MTMR6: variants seen among roughly 807,000 people sequenced by gnomAD.
MTMR6 encodes the protein myotubularin related protein 6.
In MTMR6, 47 loss-of-function variants were observed where a neutral mutation model predicts 80.1. That is an observed-to-expected ratio of 0.59 (90% CI 0.46 to 0.75). The LOEUF (loss-of-function observed/expected upper bound fraction) is 0.75, where lower values mean the gene tolerates loss of function less well. Ranked by LOEUF, MTMR6 falls within the 30% of genes least tolerant of loss-of-function variation. MTMR6 has a pLI of 0.00. For synonymous variants in MTMR6, 254 were observed against 253.0 expected (o/e 1.00, Z -0.04); for missense variants, 629 against 730.9 (o/e 0.86, Z 1.61).
chr13:25,252,011 A>G (rs1166769192), intron 11 of MTMR6, 27 bp from the exon 12 acceptor site: 1 of 1,596,150 alleles, frequency 6.3e-7, no homozygotes, highest in Non-Finnish European at 8.5e-7. Flanking sequence ...AAACACAGAG[A>G]TCTTTCCTAT....
chr13:25,255,918 A>G (rs1052949784), intron 9 of MTMR6, among the ~76,000 whole-genome samples: 2 of 152,204 alleles, frequency 1.3e-5, no homozygotes, highest in African/African-American at 4.8e-5. Context: ...CTTTTGTCTC[A>G]TAAGTTATCA....
At chr13:25,256,567 A>G (rs1296031887) in intron 9 of MTMR6, among the ~76,000 whole-genome samples, 1 of 152,224 alleles carries the variant, frequency 6.6e-6, no homozygotes, top group Non-Finnish European at 1.5e-5. Context: ...TGAAAACATA[A>G]GTTAATCTGC....
Position 25,258,620 on chromosome 13 carries a change from G to T in MTMR6, c.799C>A (p.Gln267Lys). The T allele has an allele frequency of 3.8e-6, 6 of 1,598,032 alleles. No homozygotes were observed. The highest frequency in any genetic ancestry group is 5.1e-6 in the Non-Finnish European group (6 of 1,175,312). ...TGAATATTTTCAATTCCAACAAACT[G>T]AAATCTAATATTGGAATAGTTGTCT... ...NEDNYSNIRF[Q>K]FVGIENIHVM... Residue 267 changes from glutamine to lysine, a missense_variant, in exon 7 of 14, where the codon CAG becomes AAG. Physicochemically the swap from Gln to Lys is moderately conservative, Grantham distance 53. Transcript: ENST00000381801.
chr13:25,260,552 A>G (rs560827207), intron 6 of MTMR6: 153 of 1,188,490 alleles, frequency 1.3e-4, no homozygotes, highest in Middle Eastern at 6.8e-4. Flanking sequence ...CCTAAAAACC[A>G]CTTGCGTTCT....
At chr13:25,271,536 G>A (rs1372682901) in intron 2 of MTMR6, among the ~76,000 whole-genome samples, 1 of 152,168 alleles carries the variant, frequency 6.6e-6, no homozygotes, top group African/African-American at 2.4e-5. Flanking sequence ...CTATAAAGTG[G>A]AGGTTCTAAA....
rs1413478423 is a variant in MTMR6 at position 25,277,623 on chromosome 13, T to C, written c.25-3436A>G. Among the ~76,000 whole-genome samples the C allele has an allele frequency of 2.0e-5, 3 of 152,226 alleles. No individual in the cohort carries two copies. In the East Asian group the frequency reaches 5.8e-4, roughly 29 times the overall value. On this transcript the variant is annotated intron_variant, in intron 1 of 13. Transcript: ENST00000381801. ...TGCTATCTTTTCCCTACACAGTGGGTGAACAGTAGGTATTCATTCAGTAAT... is the reference window on the plus strand; with the variant it reads ...TGCTATCTTTTCCCTACACAGTGGGCGAACAGTAGGTATTCATTCAGTAAT...
rs1957036139 is a variant in MTMR6 at position 25,249,237 on chromosome 13, A to G, written c.1861T>C (p.Cys621Arg). 1 of 1,612,422 alleles carries G rather than the reference A, an allele frequency of 6.2e-7. No individual in the cohort carries two copies. Among genetic ancestry groups the G allele is most frequent in the African/African-American group, 1.3e-5 (1 of 74,888 alleles). Residue 621 changes from cysteine (C) to arginine (R), a missense_variant, in exon 14 of 14, where the codon TGT becomes CGT. By Grantham distance (180) the Cys-to-Arg change is radical. Coordinates refer to ENST00000381801, the MANE Select transcript of MTMR6 (RefSeq NM_004685.5). Reference sequence around the variant, plus strand: ...GCAGAAAAAACTCTATGAGTCTAACAAGTCATTCTTGCCACACCATACTCT... The same window carrying G: ...GCAGAAAAAACTCTATGAGTCTAACGAGTCATTCTTGCCACACCATACTCT... ...SLEYGVARMT[C>R] is the part of the protein sequence containing the mutation.
chr13:25,249,016 C>T lies in MTMR6; in HGVS notation c.*216G>A. On this transcript the variant is annotated 3_prime_UTR_variant, in exon 14 of 14. Transcript: ENST00000381801. ...TTGAGTAAATACATCAAATACCACT[C>T]ATTTCTTACAGAACTGAATGTCATT... The T allele has an allele frequency of 3.6e-6, 2 of 548,578 alleles. No individual in the cohort carries two copies. The highest frequency in any genetic ancestry group is 3.4e-5 in the Admixed American group (1 of 29,052). The allele number at this position is 548,578 out of a possible 1,614,324, so 34.0% of individuals were successfully genotyped here. A position where few individuals can be genotyped will look rare whatever the true frequency, so the allele number is the denominator to read the frequency against.
At chr13:25,249,530 A>G (rs763341233) in intron 13 of MTMR6, 38 bp from the exon 14 acceptor site, 1 of 1,588,008 alleles carries the variant, frequency 6.3e-7, no homozygotes, top group Non-Finnish European at 8.6e-7. Flanking sequence ...TACTAATTGC[A>G]TAAGCCACAA....
At chr13:25,275,252 C>T (rs1295258431) in intron 1 of MTMR6, among the ~76,000 whole-genome samples, 1 of 151,708 alleles carries the variant, frequency 6.6e-6, no homozygotes, top group South Asian at 2.1e-4. Flanking sequence ...CATGATGAGA[C>T]CTCTACTAAA....
At chr13:25,257,159 A>C in intron 9 of MTMR6, 37 bp downstream of exon 9, 1 of 1,585,880 alleles carries the variant, frequency 6.3e-7, no homozygotes, top group Non-Finnish European at 8.6e-7. Context: ...AATTACTCCT[A>C]CTTAAGAACC....
At chr13:25,255,567 A>G (rs1275501778) in intron 9 of MTMR6, among the ~76,000 whole-genome samples, 10 of 151,980 alleles carry the variant, frequency 6.6e-5, no homozygotes, top group Non-Finnish European at 4.4e-5. Context: ...TCTGTTGCCC[A>G]GGCTGGAGTG....
At chr13:25,275,788 G>A (rs1957707674) in intron 1 of MTMR6, among the ~76,000 whole-genome samples, 1 of 150,340 alleles carries the variant, frequency 6.7e-6, no homozygotes, top group Admixed American at 6.6e-5. Flanking sequence ...TTGAATCTGG[G>A]GGTCAGAGGT....
chr13:25,258,981 T>C (rs1391566277), intron 6 of MTMR6, among the ~76,000 whole-genome samples: 3 of 152,224 alleles, frequency 2.0e-5, no homozygotes, highest in Admixed American at 1.3e-4. Context: ...ATGTTTGTAA[T>C]ATTTTAAAAT....
At chr13:25,277,946 C>A (rs769338406) in intron 1 of MTMR6, among the ~76,000 whole-genome samples, 11 of 152,288 alleles carry the variant, frequency 7.2e-5, no homozygotes, top group Middle Eastern at 3.4e-3. Context: ...ATCTGAAATT[C>A]TCTTTGTTAG....
At chr13:25,269,315 T>A (rs577081629) in intron 2 of MTMR6, among the ~76,000 whole-genome samples, 3 of 152,192 alleles carry the variant, frequency 2.0e-5, no homozygotes, top group Non-Finnish European at 4.4e-5. Context: ...ATGGATGTCA[T>A]CCCTGATACC....
At position 25,249,470 on chromosome 13, in the gene MTMR6, T is replaced by A. The variant is rs1957041532; in HGVS notation, c.1628A>T (p.Lys543Met). 1 of 1,613,286 alleles carries A rather than the reference T, an allele frequency of 6.2e-7. No homozygotes were observed. Among genetic ancestry groups the A allele is most frequent in the African/African-American group, 1.3e-5 (1 of 74,938 alleles). ...LESKIKQRKN[K>M]QTDGILTKEL... ...CTTGGTGAGGATGCCATCTGTTTGC[T>A]TATTTTTGCGTTGTTTAATTTTCTA... Residue 543 changes from lysine (K) to methionine (M), a missense_variant, in exon 14 of 14, where the codon AAG becomes ATG. Lys to Met is a moderately conservative substitution (Grantham distance 95). Transcript: ENST00000381801.
At chr13:25,284,479 T>C (rs1385326151) in intron 1 of MTMR6, among the ~76,000 whole-genome samples, 1 of 152,186 alleles carries the variant, frequency 6.6e-6, no homozygotes, top group Non-Finnish European at 1.5e-5. Context: ...TAATTGGCTA[T>C]ATTGACATAT....
At chr13:25,281,820 T>C (rs751104770) in intron 1 of MTMR6, among the ~76,000 whole-genome samples, 1 of 152,198 alleles carries the variant, frequency 6.6e-6, no homozygotes, top group Non-Finnish European at 1.5e-5. Flanking sequence ...TTTCTGTTCA[T>C]GTATCCCAAT....
Sources: allele counts gnomAD v4.1 joint callset (sites outside exome capture counted in the v4.1 genomes callset), GRCh38; gene constraint gnomAD v4.1.1; transcripts MANE v1.5; gene names NCBI Gene and HGNC (gene_info 2026-07-23, HGNC 2026-07-21).